The following HYCC2 variants were observed in gnomAD, a reference collection of about 807,000 sequenced individuals.
The protein encoded by HYCC2 is hyccin PI4KA lipid kinase complex subunit 2.
chr2:201,060,221 G>C, the HYCC2 span, among the ~76,000 whole-genome samples: 1 of 152,148 alleles, frequency 6.6e-6, no homozygotes, highest in Non-Finnish European at 1.5e-5. Flanking sequence ...GTCAGCAGCA[G>C]ATACAGTATA....
At chr2:200,978,639 C>A in the HYCC2 span, 1 of 151,950 alleles carries the variant, frequency 6.6e-6, no homozygotes, top group South Asian at 2.1e-4. Flanking sequence ...CCACGCCCAG[C>A]TAATTTTTTG....
chr2:201,010,340 G>A, the HYCC2 span, among the ~76,000 whole-genome samples: 1 of 152,172 alleles, frequency 6.6e-6, no homozygotes, highest in African/African-American at 2.4e-5. Context: ...TCAGGATACT[G>A]TGTGTTGACA....
chr2:201,070,278 G>A, the HYCC2 span, among the ~76,000 whole-genome samples: 4 of 152,122 alleles, frequency 2.6e-5, no homozygotes, highest in Non-Finnish European at 5.9e-5. Flanking sequence ...TGTCCGAGAG[G>A]TTCAGAGTCC....
At chr2:201,035,971 T>C in the HYCC2 span, among the ~76,000 whole-genome samples, 1 of 152,036 alleles carries the variant, frequency 6.6e-6, no homozygotes, top group Non-Finnish European at 1.5e-5. Context: ...AAGTTTTGTC[T>C]CAGAGGAGTA....
chr2:201,068,307 C>A, the HYCC2 span, among the ~76,000 whole-genome samples: 1 of 151,810 alleles, frequency 6.6e-6, no homozygotes, highest in Non-Finnish European at 1.5e-5. Context: ...AAAAAAAAAG[C>A]TATCCTAGCT....
At chr2:201,017,084 T>C in the HYCC2 span, 2 of 1,614,120 alleles carry the variant, frequency 1.2e-6, no homozygotes, top group Non-Finnish European at 1.7e-6. Context: ...ACATCAATTC[T>C]GGCAAGAACT....
chr2:201,065,245 T>C, the HYCC2 span, among the ~76,000 whole-genome samples: 1 of 152,256 alleles, frequency 6.6e-6, no homozygotes, highest in Non-Finnish European at 1.5e-5. Context: ...TTTTTTTCAC[T>C]TGAGACCCAT....
chr2:201,013,820 T>C, the HYCC2 span, among the ~76,000 whole-genome samples: 4 of 152,246 alleles, frequency 2.6e-5, no homozygotes, highest in Admixed American at 2.0e-4. Context: ...TTTTGATTTA[T>C]CTTTGCAGGT....
At chr2:200,986,904 T>A in the HYCC2 span, among the ~76,000 whole-genome samples, 2 of 152,208 alleles carry the variant, frequency 1.3e-5, no homozygotes, top group Non-Finnish European at 2.9e-5. Flanking sequence ...CACTTCAATG[T>A]CTTAATGATA....
chr2:200,983,113 T>C, the HYCC2 span, among the ~76,000 whole-genome samples: 1 of 152,202 alleles, frequency 6.6e-6, no homozygotes, highest in East Asian at 1.9e-4. Context: ...ATATATAATA[T>C]ACTGAGCTTG....
At chr2:201,058,088 G>C in the HYCC2 span, among the ~76,000 whole-genome samples, 1 of 152,000 alleles carries the variant, frequency 6.6e-6, no homozygotes, top group Admixed American at 6.6e-5. Flanking sequence ...TTCCTCTCTG[G>C]AATGCCTTTC....
At chr2:201,053,164 C>T in the HYCC2 span, among the ~76,000 whole-genome samples, 1 of 151,724 alleles carries the variant, frequency 6.6e-6, no homozygotes, top group Non-Finnish European at 1.5e-5. Flanking sequence ...CTCTTGTCAA[C>T]CAGGCTGGAG....
At chr2:201,033,233 G>A in the HYCC2 span, among the ~76,000 whole-genome samples, 1 of 146,914 alleles carries the variant, frequency 6.8e-6, no homozygotes, top group African/African-American at 2.5e-5. Context: ...ATCTCTCTCT[G>A]TTTCCCAGGC....
chr2:200,991,148 GC>G, the HYCC2 span, among the ~76,000 whole-genome samples: 1 of 152,210 alleles, frequency 6.6e-6, no homozygotes, highest in African/African-American at 2.4e-5. Context: ...CTCAGTTTGT[GC>G]CCTGCATATA....
the HYCC2 span, among the ~76,000 whole-genome samples, chr2:201,038,149 T>C: frequency 6.6e-6 from 1 of 152,152 alleles, no homozygotes; most frequent in Non-Finnish European, 1.5e-5. Context: ...AAAATGCTCA[T>C]CATCACTGGC....
At chr2:201,033,188 T>A in the HYCC2 span, among the ~76,000 whole-genome samples, 70 of 146,364 alleles carry the variant, frequency 4.8e-4, no homozygotes, top group Admixed American at 1.4e-3. Flanking sequence ...TGTGTGTGTG[T>A]GTGTGTGTGA....
At chr2:201,060,062 G>C in the HYCC2 span, among the ~76,000 whole-genome samples, 5 of 143,360 alleles carry the variant, frequency 3.5e-5, 1 homozygote, top group Non-Finnish European at 7.7e-5. Context: ...AGCGGGGGGG[G>C]GGGGGTTCTT....
the HYCC2 span, among the ~76,000 whole-genome samples, chr2:201,031,212 C>T: frequency 6.6e-6 from 1 of 152,110 alleles, no homozygotes; most frequent in Admixed American, 6.6e-5. Context: ...AAGCTACTAC[C>T]ATAGCATAGA....
At chr2:201,019,064 A>G in the HYCC2 span, among the ~76,000 whole-genome samples, 2 of 152,202 alleles carry the variant, frequency 1.3e-5, no homozygotes, top group Non-Finnish European at 2.9e-5. Context: ...ACTTTTGGAA[A>G]CTGTCAGTTG....
Sources: gnomAD v4.1 joint callset for allele counts (sites outside exome capture counted in the v4.1 genomes callset) on GRCh38, gnomAD v4.1.1 for gene constraint, MANE v1.5 for transcripts, NCBI Gene and HGNC (gene_info 2026-07-23, HGNC 2026-07-21) for gene names.